Variants in WDR17 observed in about 807,000 individuals in gnomAD.
The protein encoded by WDR17 is WD repeat domain 17.
WDR17 carries 143 observed loss-of-function variants against 161.7 expected under a neutral mutation model. The ratio of observed to expected loss-of-function variants is 0.88; its 90% CI spans 0.77 to 1.02. WDR17 has a LOEUF of 1.02. Ranked by LOEUF, WDR17 falls within the 50% of genes least tolerant of loss-of-function variation. WDR17 has a pLI of 0.00. For synonymous variants in WDR17, 517 were observed against 515.6 expected (o/e 1.00, Z -0.04); for missense variants, 1,469 against 1,520.9 (o/e 0.97, Z 0.57).
At chr4:176,104,747 G>A (rs936572356) in intron 1 of WDR17, among the ~76,000 whole-genome samples, 1 of 151,804 alleles carries the variant, frequency 6.6e-6, no homozygotes, top group Admixed American at 6.6e-5. Context: ...ATACACAGAA[G>A]AAAATGAGAA....
intron 1 of WDR17, among the ~76,000 whole-genome samples, chr4:176,069,170 GA>G (rs1366519323): frequency 2.0e-5 from 3 of 150,122 alleles, no homozygotes; most frequent in South Asian, 2.1e-4. Flanking sequence ...GATTTTGTAA[GA>G]AAAAAAAAGA....
Position 176,115,406 on chromosome 4 carries a change from C to T in WDR17, c.124-390C>T, listed in dbSNP as rs368943764. On this transcript the variant is annotated intron_variant, in intron 2 of 28. Coordinates refer to ENST00000508596, the MANE Select transcript of WDR17 (RefSeq NM_181265.4). ...AATAATGAGCAGTTGGTGTATTTAA[C>T]CCAAATTTTCTTGATTCAAGTATAA... Among the ~76,000 whole-genome samples the T allele has an allele frequency of 4.6e-5, 7 of 151,768 alleles. No homozygotes were observed. In the East Asian group the frequency reaches 9.6e-4, roughly 21 times the overall value.
intron 18 of WDR17, among the ~76,000 whole-genome samples, chr4:176,157,827 G>T (rs541469473): frequency 2.2e-4 from 34 of 152,252 alleles, no homozygotes; most frequent in African/African-American, 7.9e-4. Context: ...TGTATCCTCA[G>T]ATAAATTGGA....
intron 1 of WDR17, among the ~76,000 whole-genome samples, chr4:176,101,641 A>G (rs920023953): frequency 3.9e-5 from 6 of 152,186 alleles, no homozygotes; most frequent in Admixed American, 1.3e-4. Context: ...TATAGCTCCA[A>G]TAAAAAAGAC....
chr4:176,173,402 ATC>A (rs1268755068), intron 25 of WDR17, 33 bp downstream of exon 25: 2 of 1,420,152 alleles, frequency 1.4e-6, no homozygotes, highest in East Asian at 4.6e-5. Flanking sequence ...ATATAAGTGA[ATC>A]TATTTGATAA....
chr4:176,174,105 T>A (rs1267708535), intron 25 of WDR17, among the ~76,000 whole-genome samples: 3 of 152,092 alleles, frequency 2.0e-5, no homozygotes, highest in Non-Finnish European at 4.4e-5. Flanking sequence ...ATTCAGGTAC[T>A]ATTAAAAGAC....
intron 18 of WDR17, among the ~76,000 whole-genome samples, chr4:176,156,419 T>G (rs577665072): frequency 1.3e-5 from 2 of 152,298 alleles, no homozygotes; most frequent in African/African-American, 4.8e-5. Flanking sequence ...TACTCACTGA[T>G]TAATAAATTG....
Position 176,131,754 on chromosome 4 carries a change from T to C in WDR17, c.1098+16T>C. ...TAGAGACTTGGTATGTATGTAGTCA[T>C]TCCTTTATTATACATAATAGTTTTT... On this transcript the variant is annotated intron_variant, in intron 7 of 28. Coordinates refer to ENST00000508596, the MANE Select transcript of WDR17 (RefSeq NM_181265.4). The C allele has an allele frequency of 6.3e-7, 1 of 1,575,640 alleles. No homozygotes were observed. Among genetic ancestry groups the C allele is most frequent in the Non-Finnish European group, 8.6e-7 (1 of 1,162,564 alleles).
chr4:176,096,553 G>A, intron 1 of WDR17: 1 of 1,600,292 alleles, frequency 6.2e-7, no homozygotes, highest in Non-Finnish European at 8.5e-7. Context: ...AAATTGGTTT[G>A]AGCAAGATGA....
chr4:176,163,854 A>C (rs1430281545), intron 22 of WDR17, among the ~76,000 whole-genome samples: 1 of 152,136 alleles, frequency 6.6e-6, no homozygotes, highest in Non-Finnish European at 1.5e-5. Flanking sequence ...AAGTCAAACA[A>C]TCCATTATTA....
intron 26 of WDR17, among the ~76,000 whole-genome samples, chr4:176,176,027 T>G (rs938106464): frequency 1.1e-4 from 16 of 152,174 alleles, no homozygotes; most frequent in African/African-American, 3.6e-4. Context: ...AAAATCTCTT[T>G]CTACATAGGT....
At chr4:176,118,348 T>C (rs138856769) in intron 3 of WDR17, among the ~76,000 whole-genome samples, 79 of 152,362 alleles carry the variant, frequency 5.2e-4, no homozygotes, top group African/African-American at 1.7e-3. Context: ...CTGTGGTGGT[T>C]TGATCCATAC....
At chr4:176,150,387 C>A in intron 15 of WDR17, 81 bp from the exon 16 acceptor site, 1 of 1,514,586 alleles carries the variant, frequency 6.6e-7, no homozygotes, top group South Asian at 1.3e-5. Flanking sequence ...GATATGCCTG[C>A]ATTATAATAT....
chr4:176,068,201 T>C (rs1462525553), intron 1 of WDR17: 1 of 152,218 alleles, frequency 6.6e-6, no homozygotes, highest in Non-Finnish European at 1.5e-5. Context: ...ACATTTTGTA[T>C]ACCTCTTCCA....
At chr4:176,133,171 A>ATTTTTTTTTT (rs1743766210) in intron 7 of WDR17, among the ~76,000 whole-genome samples, 1 of 131,354 alleles carries the variant, frequency 7.6e-6, no homozygotes. Context: ...AAAAAAAACA[A>ATTTTTTTTTT]TTTTTTATTT....
In WDR17 at chr4:176,076,925, A is replaced by G. The variant is rs556016472; in HGVS notation, c.-7+10846A>G. Among the ~76,000 whole-genome samples, 4 of 151,480 alleles carry G rather than the reference A, an allele frequency of 2.6e-5. No individual in the cohort carries two copies. In the South Asian group the frequency reaches 8.3e-4, roughly 31 times the overall value. On this transcript the variant is annotated intron_variant, in intron 1 of 28. Transcript: ENST00000508596. The stretch of plus-strand genomic sequence containing the variant: ...ATCTCCTTCTTATATCAACATTGAT[A>G]GAAATCTATGTCAATGTCCTAATCT...
At chr4:176,126,056 A>G (rs926620801) in intron 5 of WDR17, among the ~76,000 whole-genome samples, 3 of 152,146 alleles carry the variant, frequency 2.0e-5, no homozygotes, top group African/African-American at 4.8e-5. Context: ...GTCTATATTA[A>G]TCCATTCATA....
At chr4:176,085,967 C>T (rs1735368875) in intron 1 of WDR17, among the ~76,000 whole-genome samples, 1 of 151,952 alleles carries the variant, frequency 6.6e-6, no homozygotes, top group Non-Finnish European at 1.5e-5. Flanking sequence ...AAGCATTAAT[C>T]TAGCTGCAAC....
At chr4:176,120,288 T>TTATATATATATA (rs33940735) in intron 4 of WDR17, among the ~76,000 whole-genome samples, 191 bp downstream of exon 4, 211 of 136,478 alleles carry the variant, frequency 1.5e-3, no homozygotes, top group South Asian at 4.0e-3. Context: ...ATTTGAAGTT[T>TTATATATATATA]TATATATATA....
Sources: gnomAD v4.1 joint callset for allele counts (sites outside exome capture counted in the v4.1 genomes callset) on GRCh38, gnomAD v4.1.1 for gene constraint, MANE v1.5 for transcripts, NCBI Gene and HGNC (gene_info 2026-07-23, HGNC 2026-07-21) for gene names.